The following SULF1 variants were observed in gnomAD, a reference collection of about 807,000 sequenced individuals.
SULF1 encodes the protein sulfatase 1, also known as extracellular sulfatase Sulf-1.
SULF1 carries 46 observed loss-of-function variants against 110.5 expected under a neutral mutation model. The ratio of observed to expected loss-of-function variants is 0.42; its 90% CI spans 0.33 to 0.53. SULF1 has a LOEUF of 0.53. SULF1 is among the 20% of genes least tolerant of loss of function. The pLI is 0.12. For synonymous variants in SULF1, 371 were observed against 387.1 expected (o/e 0.96, Z 0.49); for missense variants, 941 against 1,094.2 (o/e 0.86, Z 1.98).
intron 14 of SULF1, among the ~76,000 whole-genome samples, chr8:69,622,372 G>A (rs934846766): frequency 6.6e-6 from 1 of 151,996 alleles, no homozygotes; most frequent in Non-Finnish European, 1.5e-5. Flanking sequence ...TGAGGTCAGG[G>A]GTTCCAGACC....
chr8:69,646,755 A>T (rs765678690), intron 22 of SULF1, among the ~76,000 whole-genome samples: 1 of 152,082 alleles, frequency 6.6e-6, no homozygotes, highest in African/African-American at 2.4e-5. Context: ...AATTTATTTA[A>T]CTTCTTTTAT....
At chr8:69,611,277 A>C (rs1044600884) in intron 13 of SULF1, among the ~76,000 whole-genome samples, 1 of 152,252 alleles carries the variant, frequency 6.6e-6, no homozygotes, top group Non-Finnish European at 1.5e-5. Flanking sequence ...ATCATTGGCC[A>C]AGATCAGTTT....
chr8:69,640,939 A>T, intron 22 of SULF1, 98 bp downstream of exon 22: 1 of 1,163,990 alleles, frequency 8.6e-7, no homozygotes, highest in Non-Finnish European at 1.2e-6. Flanking sequence ...TGTTGCACAG[A>T]GCAAAGCTGG....
chr8:69,519,279 G>A (rs1812136759), intron 3 of SULF1, among the ~76,000 whole-genome samples: 1 of 152,090 alleles, frequency 6.6e-6, no homozygotes, highest in Non-Finnish European at 1.5e-5. Flanking sequence ...TGCATTCTCA[G>A]TATCTAACAT....
At chr8:69,644,760 CAAAAAAAA>C (rs59189043) in intron 22 of SULF1, among the ~76,000 whole-genome samples, 6 of 115,162 alleles carry the variant, frequency 5.2e-5, no homozygotes, top group African/African-American at 1.0e-4. Flanking sequence ...GACGCCGTCT[CAAAAAAAA>C]AAAAAAAAAA....
intron 3 of SULF1, among the ~76,000 whole-genome samples, chr8:69,546,983 T>G (rs1814305099): frequency 6.6e-6 from 1 of 152,252 alleles, no homozygotes; most frequent in Admixed American, 6.5e-5. Flanking sequence ...GACACAGCTT[T>G]CCTTTGCTTG....
At chr8:69,491,652 GAC>G (rs1397748760), upstream of SULF1, among the ~76,000 whole-genome samples, 1 of 152,122 alleles carries the variant, frequency 6.6e-6, no homozygotes, top group African/African-American at 2.4e-5. Flanking sequence ...GCATATATCC[GAC>G]AACCGTCCAT....
In SULF1 at chr8:69,659,210, G is replaced by A. The variant is rs1007860966; in HGVS notation, c.*675G>A. On this transcript the variant is annotated 3_prime_UTR_variant, in exon 23 of 23. Transcript: ENST00000402687. ...TTCACCATGGCCACCGCAGAACACC[G>A]AAGTAATTCCAGCATAGCGGGGAAG... The A allele has an allele frequency of 1.5e-5, 7 of 456,642 alleles. No individual in the cohort carries two copies. The highest frequency in any genetic ancestry group is 6.9e-5 in the East Asian group (1 of 14,408). The allele number at this position is 456,642 out of a possible 1,614,324, so 28.3% of individuals were successfully genotyped here.
chr8:69,540,624 C>G (rs1171713389), intron 3 of SULF1, among the ~76,000 whole-genome samples: 1 of 152,202 alleles, frequency 6.6e-6, no homozygotes, highest in Non-Finnish European at 1.5e-5. Context: ...GCCTTGGTGA[C>G]AGCGTTTCCT....
chr8:69,610,916 GT>G (rs771339898), intron 13 of SULF1, among the ~76,000 whole-genome samples: 28 of 152,008 alleles, frequency 1.8e-4, no homozygotes, highest in Non-Finnish European at 3.5e-4. Context: ...CCTCCTCTAT[GT>G]TTCTTAAATG....
intron 19 of SULF1, among the ~76,000 whole-genome samples, chr8:69,634,334 G>C (rs762731853): frequency 2.0e-5 from 3 of 152,020 alleles, no homozygotes; most frequent in Non-Finnish European, 2.9e-5. Context: ...TAGAATAGAT[G>C]GTTTTCATTA....
intron 3 of SULF1, among the ~76,000 whole-genome samples, chr8:69,520,737 G>A (rs979689454): frequency 6.6e-6 from 1 of 152,116 alleles, no homozygotes. Context: ...CTGGTTTGGG[G>A]TTGAAACCAC....
intron 1 of SULF1, chr8:69,467,022 C>T (rs1024047928): frequency 4.6e-5 from 7 of 152,140 alleles, no homozygotes; most frequent in South Asian, 2.1e-4. Context: ...AATGCTAGCA[C>T]GGCACACTTG....
chr8:69,642,031 A>G (rs1189879091), intron 22 of SULF1, among the ~76,000 whole-genome samples: 2 of 152,182 alleles, frequency 1.3e-5, no homozygotes, highest in African/African-American at 4.8e-5. Context: ...CTCTGCTGAG[A>G]CAAAACTGAG....
intron 3 of SULF1, among the ~76,000 whole-genome samples, chr8:69,548,101 A>C (rs948220531): frequency 6.6e-6 from 1 of 152,162 alleles, no homozygotes; most frequent in Non-Finnish European, 1.5e-5. Context: ...ATGCCCATAC[A>C]CAAAGGACTT....
At chr8:69,536,386 G>A (rs1813430401) in intron 3 of SULF1, among the ~76,000 whole-genome samples, 1 of 152,100 alleles carries the variant, frequency 6.6e-6, no homozygotes, top group East Asian at 1.9e-4. Context: ...TTTATATTTT[G>A]TGTAAACTCC....
At chr8:69,642,487 C>A in intron 22 of SULF1, 1 of 772,660 alleles carries the variant, frequency 1.3e-6, no homozygotes, top group Non-Finnish European at 1.6e-6. Context: ...TCACTCCCAG[C>A]ACACATAAGA....
At chr8:69,584,035 G>C (rs1806269409) in intron 6 of SULF1, among the ~76,000 whole-genome samples, 1 of 152,218 alleles carries the variant, frequency 6.6e-6, no homozygotes, top group Admixed American at 6.5e-5. Flanking sequence ...GTTGGAAAGG[G>C]AAGGATTTTG....
upstream of SULF1, among the ~76,000 whole-genome samples, chr8:69,490,252 G>A (rs1245532533): frequency 2.0e-5 from 3 of 151,768 alleles, no homozygotes; most frequent in Admixed American, 6.6e-5. Flanking sequence ...ACAGGTATGC[G>A]CCACCACACC....
Sources: allele counts gnomAD v4.1 joint callset (sites outside exome capture counted in the v4.1 genomes callset), GRCh38; gene constraint gnomAD v4.1.1; transcripts MANE v1.5; gene names NCBI Gene and HGNC (gene_info 2026-07-23, HGNC 2026-07-21).